Variants in SPIN1 observed in about 807,000 individuals in gnomAD.
SPIN1 encodes spindlin 1.
A neutral mutation model predicts 26.0 loss-of-function variants in SPIN1; 3 were observed. That is an observed-to-expected ratio of 0.12 (90% CI 0.05 to 0.30). The LOEUF (loss-of-function observed/expected upper bound fraction) is 0.30. SPIN1 is among the 10% of genes least tolerant of loss of function. The probability of loss-of-function intolerance (pLI) is 1.00; values close to 1 mark genes in which losing one functional copy is unlikely to be tolerated. For synonymous variants in SPIN1, 101 were observed against 116.5 expected, an observed-to-expected ratio of 0.87 and a Z score of 0.86; for missense variants, 126 against 333.4, an observed-to-expected ratio of 0.38 and a Z score of 4.84.
intron 5 of SPIN1, among the ~76,000 whole-genome samples, chr9:88,469,207 G>A (rs1485694026): frequency 6.6e-6 from 1 of 152,166 alleles, no homozygotes; most frequent in Non-Finnish European, 1.5e-5. Flanking sequence ...TTCACAATAA[G>A]GTTTGTGCTC....
chr9:88,446,012 T>C (rs566423146), intron 2 of SPIN1, among the ~76,000 whole-genome samples: 1 of 152,308 alleles, frequency 6.6e-6, no homozygotes, highest in South Asian at 2.1e-4. Context: ...ATTATTTTGA[T>C]TGGCATATTC....
intron 1 of SPIN1, 58 bp downstream of exon 1, chr9:88,388,596 A>C (rs1179066701): frequency 6.7e-6 from 1 of 148,278 alleles, no homozygotes; most frequent in Non-Finnish European, 1.5e-5. Context: ...CGGGCGGGCC[A>C]GCGGTGCGGC....
At chr9:88,389,444 C>G (rs1318124654) in intron 1 of SPIN1, 1 of 152,158 alleles carries the variant, frequency 6.6e-6, no homozygotes, top group East Asian at 1.9e-4. Context: ...GTAATGTCAT[C>G]GTATACGCAT....
intron 3 of SPIN1, among the ~76,000 whole-genome samples, chr9:88,461,811 A>G (rs930772255): frequency 3.9e-5 from 6 of 152,226 alleles, no homozygotes; most frequent in African/African-American, 1.2e-4. Flanking sequence ...GGATTTTTCA[A>G]TTGCTAATAA....
At chr9:88,408,500 C>T (rs1827361258) in intron 1 of SPIN1, among the ~76,000 whole-genome samples, 1 of 150,908 alleles carries the variant, frequency 6.6e-6, no homozygotes, top group Admixed American at 6.6e-5. Context: ...CCACAACCTG[C>T]CAAGTAGCTG....
chr9:88,418,662 A>G (rs1348904145), intron 1 of SPIN1: 1 of 152,210 alleles, frequency 6.6e-6, no homozygotes, highest in Non-Finnish European at 1.5e-5. Context: ...TACTGCTTTT[A>G]TATCTGAAAT....
In SPIN1 at chr9:88,449,084, C is replaced by T. The variant is rs1368575470; in HGVS notation, c.101+95C>T. 2.6e-6 allele frequency: 3 copies of T among 1,152,536 alleles called. No individual in the cohort carries two copies. The African/African-American group carries it at 4.6e-5, about 18-fold the overall frequency. The allele number at this position is 1,152,536 out of a possible 1,614,324, so 71.4% of individuals were successfully genotyped here. A position where few individuals can be genotyped will look rare whatever the true frequency, so the allele number is the denominator to read the frequency against. ...TAGGTAAGGCCTCCTCCCCTGTGAT[C>T]GAGGGCTTCCTAGCTCATAGGAGAT... On this transcript the variant is annotated intron_variant, in intron 3 of 5. Transcript: ENST00000375859.
intron 1 of SPIN1, among the ~76,000 whole-genome samples, chr9:88,404,330 ATAACT>A (rs1827250635): frequency 6.6e-6 from 1 of 152,180 alleles, no homozygotes; most frequent in Non-Finnish European, 1.5e-5. Flanking sequence ...TTCTTCAATA[ATAACT>A]TAACCTTAGC....
chr9:88,394,509 A>G (rs542946463), intron 1 of SPIN1, among the ~76,000 whole-genome samples: 1 of 152,330 alleles, frequency 6.6e-6, no homozygotes, highest in Admixed American at 6.5e-5. Flanking sequence ...AGTTTTTACT[A>G]TGAGCTTATC....
chr9:88,403,292 TGTTG>T (rs1304697916), intron 1 of SPIN1, among the ~76,000 whole-genome samples: 1 of 152,242 alleles, frequency 6.6e-6, no homozygotes, highest in Non-Finnish European at 1.5e-5. Flanking sequence ...CAGCTTGTTC[TGTTG>T]GTTATTGAAA....
intron 3 of SPIN1, 137 bp from the exon 4 acceptor site, chr9:88,462,359 G>C: frequency 8.2e-7 from 1 of 1,223,236 alleles, no homozygotes; most frequent in Non-Finnish European, 1.1e-6. Flanking sequence ...GTCACCTGAA[G>C]CAGGAATGTG....
In SPIN1 at chr9:88,398,926, C is replaced by A. The variant is rs536132513; in HGVS notation, c.-159+10388C>A. 8.7e-4 allele frequency among the ~76,000 whole-genome samples: 131 copies of A among 151,348 alleles called. 1 individual carries two copies. The highest frequency in any genetic ancestry group is 3.1e-3 in the African/African-American group (126 of 41,234). ...TCACATAAGGTTTAGAAAAATGAAA[C>A]CCCTAGGATGGATAAAGGAAAACGT... On this transcript the variant is annotated intron_variant, in intron 1 of 5. Transcript: ENST00000375859.
chr9:88,450,335 T>C (rs1231787285), intron 3 of SPIN1, among the ~76,000 whole-genome samples: 5 of 152,220 alleles, frequency 3.3e-5, no homozygotes, highest in Non-Finnish European at 7.3e-5. Flanking sequence ...CCAGAACAGT[T>C]CATTCAAAAT....
intron 1 of SPIN1, chr9:88,415,764 G>C (rs1827547603): frequency 6.6e-6 from 1 of 151,528 alleles, no homozygotes; most frequent in South Asian, 2.1e-4. Flanking sequence ...TTTTTTTTGA[G>C]ATGGAGTCTA....
chr9:88,405,451 A>T (rs1175153260), intron 1 of SPIN1, among the ~76,000 whole-genome samples: 2 of 147,208 alleles, frequency 1.4e-5, no homozygotes, highest in Non-Finnish European at 3.0e-5. Context: ...CTGGTCCAGT[A>T]CTCCTGACCT....
intron 1 of SPIN1, among the ~76,000 whole-genome samples, chr9:88,408,981 T>TGTGTGTGTGTGTGTG (rs1827375578): frequency 7.3e-6 from 1 of 136,596 alleles, no homozygotes; most frequent in African/African-American, 2.8e-5. Context: ...TTGTGTGTGT[T>TGTGTGTGTGTGTGTG]TGTGTGTGTG....
intron 1 of SPIN1, among the ~76,000 whole-genome samples, chr9:88,394,578 C>T (rs1429879047): frequency 6.6e-6 from 1 of 152,090 alleles, no homozygotes; most frequent in Non-Finnish European, 1.5e-5. Flanking sequence ...ATTGCATTAT[C>T]TTACAGTATA....
Position 88,470,595 on chromosome 9 carries a change from C to A in SPIN1, c.589+1990C>A, listed in dbSNP as rs577557713. Among the ~76,000 whole-genome samples the A allele has an allele frequency of 2.9e-3, 378 of 128,734 alleles. 1 individual carries two copies. The highest frequency in any genetic ancestry group is 0.016 in the African/African-American group (340 of 20,844). The allele number at this position is 128,734 out of a possible 152,430, so 84.5% of individuals were successfully genotyped here. A position where few individuals can be genotyped will look rare whatever the true frequency, so the allele number is the denominator to read the frequency against. On this transcript the variant is annotated intron_variant, in intron 5 of 5. Transcript: ENST00000375859. ...AGCATCTTTCATATGCTTATTGGCC[C>A]CCCCCCTTTTTTTTTTTGAGACAGA...
At chr9:88,446,917 A>G (rs115250805) in intron 2 of SPIN1, among the ~76,000 whole-genome samples, 1 of 151,912 alleles carries the variant, frequency 6.6e-6, no homozygotes, top group Non-Finnish European at 1.5e-5. Context: ...TTTGTTTTTG[A>G]TCTTACTTTG....
Sources: gnomAD v4.1 joint callset for allele counts (sites outside exome capture counted in the v4.1 genomes callset) on GRCh38, gnomAD v4.1.1 for gene constraint, MANE v1.5 for transcripts, NCBI Gene and HGNC (gene_info 2026-07-23, HGNC 2026-07-21) for gene names.